The following B3GALT1 variants were observed in gnomAD, a reference collection of about 807,000 sequenced individuals.
B3GALT1 encodes the protein beta-1,3-galactosyltransferase 1, also known as UDP-Gal:betaGlcNAc beta 1,3-galactosyltransferase, polypeptide 1.
A neutral mutation model predicts 23.2 loss-of-function variants in B3GALT1; 10 were observed. The ratio of observed to expected loss-of-function variants is 0.43; its 90% confidence interval spans 0.27 to 0.73. The LOEUF is 0.73. Among genes scored for constraint, B3GALT1 ranks in the 30% least tolerant of loss-of-function variants. The pLI, the probability that B3GALT1 is intolerant of heterozygous loss-of-function variation, is 0.21. For missense variants in B3GALT1, 299 were observed against 405.4 expected, an observed-to-expected ratio of 0.74 and a Z score of 2.25; for synonymous variants, 156 against 141.5, an observed-to-expected ratio of 1.10 and a Z score of -0.73.
chr2:167,654,170 AAAT>A (rs544412369), intron 3 of B3GALT1, among the ~76,000 whole-genome samples: 19 of 152,324 alleles, frequency 1.2e-4, no homozygotes, highest in South Asian at 1.0e-3. Flanking sequence ...CAGAAAATGG[AAAT>A]AATAAGAGCA....
intron 1 of B3GALT1, among the ~76,000 whole-genome samples, chr2:167,456,828 T>C (rs1699180047): frequency 6.6e-6 from 1 of 152,188 alleles, no homozygotes; most frequent in African/African-American, 2.4e-5. Flanking sequence ...TCTCCATGTG[T>C]TCATCAGTCC....
intron 2 of B3GALT1, among the ~76,000 whole-genome samples, chr2:167,566,735 A>T (rs1684178343): frequency 6.6e-6 from 1 of 152,176 alleles, no homozygotes; most frequent in Non-Finnish European, 1.5e-5. Flanking sequence ...TGGGTCTAAA[A>T]GAGCTAATGA....
chr2:167,776,973 C>G (rs1039417058), intron 3 of B3GALT1, among the ~76,000 whole-genome samples: 3 of 151,478 alleles, frequency 2.0e-5, no homozygotes, highest in African/African-American at 7.3e-5. Flanking sequence ...TTTTTTTGTT[C>G]TGCTTTGTGT....
intron 2 of B3GALT1, among the ~76,000 whole-genome samples, chr2:167,520,943 C>A (rs903038107): frequency 7.9e-5 from 12 of 152,094 alleles, no homozygotes; most frequent in African/African-American, 2.7e-4. Flanking sequence ...CTGCTGTTAA[C>A]CATTGATCCT....
intron 1 of B3GALT1, among the ~76,000 whole-genome samples, chr2:167,296,211 G>T (rs963456816): frequency 6.6e-6 from 1 of 152,026 alleles, no homozygotes; most frequent in Non-Finnish European, 1.5e-5. Context: ...AATACTCATC[G>T]GATAACTTTT....
rs1362646658 is a variant in B3GALT1, at chr2:167,677,711, A to G, written c.-352+30745A>G. Reference sequence around the variant, plus strand: ...GCTCCCTCTACCCTGGACCCCGTGTAGTAGTCCATTCTCATGCTGCTATAA... The same window carrying G: ...GCTCCCTCTACCCTGGACCCCGTGTGGTAGTCCATTCTCATGCTGCTATAA... On this transcript the variant is annotated intron_variant, in intron 3 of 4. Coordinates refer to ENST00000392690, the MANE Select transcript of B3GALT1 (RefSeq NM_020981.4). 3.3e-5 allele frequency among the ~76,000 whole-genome samples: 5 copies of G among 152,206 alleles called. No individual in the cohort carries two copies. In the East Asian group the frequency reaches 9.7e-4, roughly 29 times the overall value.
chr2:167,571,547 G>A (rs992388129), intron 2 of B3GALT1, among the ~76,000 whole-genome samples: 2 of 151,852 alleles, frequency 1.3e-5, no homozygotes, highest in Non-Finnish European at 1.5e-5. Context: ...CTTACCCATA[G>A]CACCTCACAC....
chr2:167,486,556 A>G (rs1699629700), intron 1 of B3GALT1, among the ~76,000 whole-genome samples: 1 of 151,118 alleles, frequency 6.6e-6, no homozygotes, highest in African/African-American at 2.4e-5. Flanking sequence ...CGTCTCTACT[A>G]AAAATACAAA....
intron 2 of B3GALT1, among the ~76,000 whole-genome samples, chr2:167,564,147 G>A (rs866701428): frequency 2.8e-4 from 42 of 151,298 alleles, no homozygotes; most frequent in African/African-American, 7.3e-4. Flanking sequence ...CTTCTCAGAC[G>A]GGGCGGTTGC....
intron 1 of B3GALT1, among the ~76,000 whole-genome samples, chr2:167,343,304 G>A (rs1697178272): frequency 6.6e-6 from 1 of 152,136 alleles, no homozygotes; most frequent in African/African-American, 2.4e-5. Flanking sequence ...ATTTTAGGAA[G>A]ATGTTTATTA....
At chr2:167,312,462 T>C (rs892719223) in intron 1 of B3GALT1, among the ~76,000 whole-genome samples, 1 of 151,880 alleles carries the variant, frequency 6.6e-6, no homozygotes, top group South Asian at 2.1e-4. Context: ...CACAAAAGTG[T>C]ATAAAAATAG....
rs187770455 is a variant in B3GALT1, at chr2:167,311,369, A to G, written c.-511+18035A>G. 2.2e-3 allele frequency among the ~76,000 whole-genome samples: 335 copies of G among 152,226 alleles called. 1 individual carries two copies. The highest frequency in any genetic ancestry group is 3.1e-3 in the Non-Finnish European group (209 of 67,968). On this transcript the variant is annotated intron_variant, in intron 1 of 4. Transcript: ENST00000392690. ...GAACTAGGGAAAATGAGATCATTCC[A>G]TAATTATCTATGGGTAAAATGGTAA...
intron 1 of B3GALT1, among the ~76,000 whole-genome samples, chr2:167,462,627 C>T (rs997383844): frequency 3.9e-5 from 6 of 152,048 alleles, no homozygotes; most frequent in African/African-American, 1.4e-4. Context: ...GAGTTGAAAA[C>T]CATCTGACAT....
Position 167,364,643 on chromosome 2 carries a change from C to A in B3GALT1, c.-511+71309C>A, listed in dbSNP as rs190261923. Among the ~76,000 whole-genome samples the A allele has an allele frequency of 4.5e-3, 689 of 152,248 alleles. 3 individuals are homozygous for A. The highest frequency in any genetic ancestry group is 0.012 in the Admixed American group (182 of 15,278). ...TCAGAATGATGGTTTCCAGCGTCAT[C>A]CATGTCCCTACAAAGAACATGAACT... On this transcript the variant is annotated intron_variant, in intron 1 of 4. Transcript: ENST00000392690.
chr2:167,465,298 G>A (rs756323236), intron 1 of B3GALT1, among the ~76,000 whole-genome samples: 4 of 152,080 alleles, frequency 2.6e-5, no homozygotes, highest in Non-Finnish European at 5.9e-5. Context: ...ATTGCATAAA[G>A]TGTTCATAAA....
intron 3 of B3GALT1, among the ~76,000 whole-genome samples, chr2:167,679,097 T>G (rs1455489328): frequency 6.8e-6 from 1 of 147,804 alleles, no homozygotes; most frequent in African/African-American, 2.4e-5. Flanking sequence ...TTGTTTTTTG[T>G]TTTTGTTTTT....
chr2:167,491,994 G>T (rs1699716383), intron 2 of B3GALT1, among the ~76,000 whole-genome samples: 1 of 152,098 alleles, frequency 6.6e-6, no homozygotes, highest in African/African-American at 2.4e-5. Flanking sequence ...ATAAACTAAA[G>T]TCCATAGTTG....
At chr2:167,438,981 A>G (rs1559096589) in intron 1 of B3GALT1, among the ~76,000 whole-genome samples, 2 of 152,240 alleles carry the variant, frequency 1.3e-5, no homozygotes, top group Non-Finnish European at 2.9e-5. Flanking sequence ...AGCAAATGAG[A>G]GATGGGCTCT....
chr2:167,869,766 T>C lies in B3GALT1; in HGVS notation c.727T>C (p.Phe243Leu), dbSNP rs774924741. ...PPFCSGTGYI[F>L]SADVAELIYK... Reference sequence around the variant, plus strand: ...TTTCTGTTCGGGGACTGGCTACATCTTTTCAGCCGATGTAGCTGAACTCAT... The same window carrying C: ...TTTCTGTTCGGGGACTGGCTACATCCTTTCAGCCGATGTAGCTGAACTCAT... The change falls in exon 5 of 5, where the codon TTT becomes CTT. Residue 243 changes from phenylalanine to leucine, a missense_variant. By Grantham distance (22) the Phe-to-Leu change is conservative (BLOSUM62 0). Coordinates refer to ENST00000392690, the MANE Select transcript of B3GALT1 (RefSeq NM_020981.4). This position sits in a 1 kb window ranked among gnomAD's most constrained non-coding sequence, Gnocchi z 6.4. 3 of 1,614,164 alleles carry C rather than the reference T, an allele frequency of 1.9e-6. No individual in the cohort carries two copies. The highest frequency in any genetic ancestry group is 2.5e-6 in the Non-Finnish European group (3 of 1,180,024).
Sources: allele counts gnomAD v4.1 joint callset (sites outside exome capture counted in the v4.1 genomes callset), GRCh38; gene constraint gnomAD v4.1.1; non-coding constraint Gnocchi (gnomAD v3.1); transcripts MANE v1.5; gene names NCBI Gene and HGNC (gene_info 2026-07-23, HGNC 2026-07-21).